The following QRSL1 variants were observed in gnomAD, a reference collection of about 807,000 sequenced individuals.
QRSL1 encodes glutamyl-tRNA(Gln) amidotransferase subunit A, mitochondrial.
In QRSL1, 54 loss-of-function variants were observed where a neutral mutation model predicts 61.6. The observed-to-expected ratio is 0.88, with a 90% CI of 0.70 to 1.10. The LOEUF (loss-of-function observed/expected upper bound fraction) is 1.10, where lower values mean the gene tolerates loss of function less well. Among genes scored for constraint, QRSL1 ranks in the 50% least tolerant of loss-of-function variants. QRSL1 has a pLI of 0.00. For synonymous variants in QRSL1, 228 were observed against 225.7 expected, an observed-to-expected ratio of 1.01 and a Z score of -0.09; for missense variants, 505 against 622.6, an observed-to-expected ratio of 0.81 and a Z score of 2.01.
chr6:106,640,380 C>G lies in QRSL1; in HGVS notation c.56C>G (p.Thr19Arg). Residue 19 changes from threonine (T) to arginine (R), a missense_variant, in exon 2 of 11, where the codon ACA (threonine) becomes AGA (arginine). Physicochemically the swap from Thr to Arg is moderately conservative, Grantham distance 71. Coordinates refer to ENST00000369046, the MANE Select transcript of QRSL1 (RefSeq NM_018292.5). The stretch of plus-strand genomic sequence containing the variant: ...GCGGCACTGAAACAAGGCCAAATTA[C>G]ACCAACAGAGCTCTGTCAAAAATGT... The part of the protein sequence containing the change: ...VSAALKQGQI[T>R]PTELCQKCLS... The G allele has an allele frequency of 1.2e-6, 2 of 1,612,090 alleles. No individual in the cohort carries two copies. Among genetic ancestry groups the G allele is most frequent in the Non-Finnish European group, 1.7e-6 (2 of 1,179,162 alleles).
chr6:106,658,335 G>C (rs1363249454), intron 9 of QRSL1, among the ~76,000 whole-genome samples: 1 of 151,808 alleles, frequency 6.6e-6, no homozygotes, highest in Non-Finnish European at 1.5e-5. Context: ...TTCAGCTTTG[G>C]TTTATATGTA....
At chr6:106,630,646 A>T (rs1370665017) in intron 1 of QRSL1, among the ~76,000 whole-genome samples, 1 of 152,152 alleles carries the variant, frequency 6.6e-6, no homozygotes, top group African/African-American at 2.4e-5. Context: ...CTCTAGACTT[A>T]ATTAGAGCTG....
chr6:106,643,130 T>A (rs746300877), intron 4 of QRSL1, 40 bp downstream of exon 4: 1 of 1,371,148 alleles, frequency 7.3e-7, no homozygotes, highest in Non-Finnish European at 1.0e-6. Context: ...TTCTTCTGTC[T>A]GTGCCTTTAT....
intron 1 of QRSL1, among the ~76,000 whole-genome samples, chr6:106,634,388 C>T (rs1582404691): frequency 6.6e-6 from 1 of 152,278 alleles, no homozygotes; most frequent in Non-Finnish European, 1.5e-5. Flanking sequence ...AGTTTTGAAT[C>T]TGTGGACATG....
chr6:106,642,268 C>G (rs548693272), intron 3 of QRSL1, among the ~76,000 whole-genome samples: 162 of 152,320 alleles, frequency 1.1e-3, no homozygotes, highest in Non-Finnish European at 1.9e-3. Context: ...ATTGGCCAGG[C>G]TGGTCTCGAA....
intron 1 of QRSL1, among the ~76,000 whole-genome samples, chr6:106,635,173 C>T (rs956428591): frequency 5.9e-5 from 9 of 151,872 alleles, no homozygotes; most frequent in African/African-American, 1.9e-4. Flanking sequence ...ATGAGATTAC[C>T]TGGGAAGTTG....
Position 106,666,082 on chromosome 6 carries a change from G to C in QRSL1, c.*80G>C. The C allele has an allele frequency of 4.5e-6, 5 of 1,118,056 alleles. No homozygotes were observed. In the South Asian group the frequency reaches 6.5e-5, roughly 14 times the overall value. 69.3% of individuals were successfully genotyped at this position (1,118,056 alleles called of 1,614,324 possible). On this transcript the variant is annotated 3_prime_UTR_variant, in exon 11 of 11. Transcript: ENST00000369046. ...TAATCCCAGCACTTTGGGAGGCCAA[G>C]GCGAGCGGATCATGAGGTCAGAAGA...
At chr6:106,652,132 A>G (rs1393488789) in intron 5 of QRSL1, 77 bp from the exon 6 acceptor site, 95 of 1,356,586 alleles carry the variant, frequency 7.0e-5, no homozygotes, top group Non-Finnish European at 9.4e-5. Flanking sequence ...GTTTAAAAAT[A>G]TACAATTGAA....
rs929280958 is a variant in QRSL1, at chr6:106,652,451, G to C, written c.734-16G>C. 3.7e-6 allele frequency: 6 copies of C among 1,613,716 alleles called. No homozygotes were observed. Among genetic ancestry groups the C allele is most frequent in the Non-Finnish European group, 5.1e-6 (6 of 1,179,652 alleles). On this transcript the variant is annotated splice_polypyrimidine_tract_variant and intron_variant, in intron 6 of 10. Coordinates refer to ENST00000369046, the MANE Select transcript of QRSL1 (RefSeq NM_018292.5). ...AAAACAATATATCTGTCATTCATAA[G>C]TATTGCTCCTTACAGGTGCACTGGC... is the stretch of plus-strand genomic sequence containing the variant.
intron 10 of QRSL1, among the ~76,000 whole-genome samples, chr6:106,665,201 C>T (rs1182624791): frequency 6.6e-6 from 1 of 152,154 alleles, no homozygotes; most frequent in Non-Finnish European, 1.5e-5. Context: ...TGTACTTTCT[C>T]TGCCCAAACC....
At chr6:106,631,806 T>G (rs114982586) in intron 1 of QRSL1, among the ~76,000 whole-genome samples, 1,897 of 152,346 alleles carry the variant, frequency 0.012, 48 homozygotes, top group African/African-American at 0.043. Flanking sequence ...TTTCTTTGTG[T>G]TACAAACGTT....
Position 106,640,420 on chromosome 6 carries a change from G to A in QRSL1, c.96G>A (p.Lys32=), listed in dbSNP as rs1351396130. The A allele has an allele frequency of 3.7e-6, 6 of 1,612,192 alleles. No homozygotes were observed. Among genetic ancestry groups the A allele is most frequent in the Non-Finnish European group, 5.1e-6 (6 of 1,178,960 alleles). ...GTCAAAAATGTCTCTCTCTTATCAA[G>A]AAGACCAAGTTTCTAAATGCCTACA... The part of the protein sequence containing the change: ...ELCQKCLSLI[K]KTKFLNAYIT... Residue 32 remains lysine (K), a synonymous_variant, in exon 2 of 11, where the codon AAG becomes AAA. Transcript: ENST00000369046.
intron 3 of QRSL1, 112 bp from the exon 4 acceptor site, chr6:106,642,882 A>C: frequency 1.2e-6 from 1 of 839,002 alleles, no homozygotes; most frequent in South Asian, 1.4e-5. Flanking sequence ...ACCAATGGGA[A>C]GGCTCCTGAG....
intron 9 of QRSL1, among the ~76,000 whole-genome samples, chr6:106,656,367 A>G (rs968215064): frequency 1.3e-5 from 2 of 152,224 alleles, no homozygotes; most frequent in African/African-American, 4.8e-5. Context: ...TTGTCTCTTG[A>G]AAAATGTATT....
Position 106,649,279 on chromosome 6 carries a change from A to G in QRSL1, c.557+78A>G, listed in dbSNP as rs575845381. On this transcript the variant is annotated intron_variant, in intron 5 of 10. Transcript: ENST00000369046. ...CATAAACTGTATCCAGCAATAGAGTAGTTCATATCCTGGTATTTTTCTTTC... is the reference window on the plus strand; with the variant it reads ...CATAAACTGTATCCAGCAATAGAGTGGTTCATATCCTGGTATTTTTCTTTC... 10 of 1,428,986 alleles carry G rather than the reference A, an allele frequency of 7.0e-6. No homozygotes were observed. In the South Asian group the frequency reaches 1.2e-4, roughly 17 times the overall value. The allele number at this position is 1,428,986 out of a possible 1,614,324, so 88.5% of individuals were successfully genotyped here. A position where few individuals can be genotyped will look rare whatever the true frequency, so the allele number is the denominator to read the frequency against.
rs1014891120 is a variant in QRSL1, at chr6:106,666,683, A to G, written c.*681A>G. On this transcript the variant is annotated 3_prime_UTR_variant, in exon 11 of 11. Transcript: ENST00000369046. ...AATAGTCCTTCTAGAGGTAACTTGG[A>G]TAGCCTAGGCAGGCAACTTATCATG... 2.6e-5 allele frequency: 4 copies of G among 152,616 alleles called. No individual in the cohort carries two copies. Among genetic ancestry groups the G allele is most frequent in the African/African-American group, 9.6e-5 (4 of 41,468 alleles). 9.5% of individuals were successfully genotyped at this position (152,616 alleles called of 1,614,324 possible). A position where few individuals can be genotyped will look rare whatever the true frequency, so the allele number is the denominator to read the frequency against.
At position 106,629,585 on chromosome 6, in the gene QRSL1, A is replaced by T. The variant is rs750820793; in HGVS notation, c.-97A>T. 454 of 1,467,924 alleles carry T rather than the reference A, an allele frequency of 3.1e-4. No individual in the cohort carries two copies. Among genetic ancestry groups the T allele is most frequent in the Admixed American group, 6.9e-4 (33 of 48,064 alleles). 90.9% of individuals were successfully genotyped at this position (1,467,924 alleles called of 1,614,324 possible). On this transcript the variant is annotated 5_prime_UTR_variant, in exon 1 of 11. Coordinates refer to ENST00000369046, the MANE Select transcript of QRSL1 (RefSeq NM_018292.5). ...CTCGGTGTTGAAGGGCTCAGTGACA[A>T]TTAAAGATGGCTGCGCCCATGTAAC... is the stretch of plus-strand genomic sequence containing the variant.
rs1777428659 is a variant in QRSL1, at chr6:106,666,046, G to A, written c.*44G>A. 1.3e-6 allele frequency: 2 copies of A among 1,513,752 alleles called. No individual in the cohort carries two copies. The highest frequency in any genetic ancestry group is 4.6e-5 in the East Asian group (2 of 43,922). 93.8% of individuals were successfully genotyped at this position (1,513,752 alleles called of 1,614,324 possible). On this transcript the variant is annotated 3_prime_UTR_variant, in exon 11 of 11. Coordinates refer to ENST00000369046, the MANE Select transcript of QRSL1 (RefSeq NM_018292.5). ...AATGACTTTTAGGCTGGGTGCAGTG[G>A]CTCACACCTGTAATCCCAGCACTTT...
At chr6:106,661,904 T>C (rs1162163011) in intron 9 of QRSL1, among the ~76,000 whole-genome samples, 4 of 151,356 alleles carry the variant, frequency 2.6e-5, no homozygotes, top group African/African-American at 9.7e-5. Context: ...AGAGATGGGG[T>C]TTCTCCATGT....
Sources: allele counts gnomAD v4.1 joint callset (sites outside exome capture counted in the v4.1 genomes callset), GRCh38; gene constraint gnomAD v4.1.1; transcripts MANE v1.5; gene names NCBI Gene and HGNC (gene_info 2026-07-23, HGNC 2026-07-21).